Variants in FAT2 observed in about 807,000 individuals in gnomAD.
The protein encoded by FAT2 is FAT atypical cadherin 2, also known as protocadherin Fat 2.
In FAT2, 150 loss-of-function variants were observed where a neutral mutation model predicts 295.3. The observed-to-expected ratio is 0.51, with a 90% CI of 0.44 to 0.58. The LOEUF is 0.58. Ranked by LOEUF, FAT2 falls within the 20% of genes least tolerant of loss-of-function variation. The pLI, the probability that FAT2 is intolerant of heterozygous loss-of-function variation, is 0.00. For missense variants in FAT2, 4,868 were observed against 5,442.7 expected (o/e 0.89, Z 3.32); for synonymous variants, 2,026 against 2,150.3 (o/e 0.94, Z 1.60).
intron 15 of FAT2, among the ~76,000 whole-genome samples, chr5:151,528,837 G>A (rs989263578): frequency 1.3e-5 from 2 of 152,092 alleles, no homozygotes; most frequent in African/African-American, 2.4e-5. Flanking sequence ...CACGTCACCC[G>A]CTATGACCAG....
intron 1 of FAT2, among the ~76,000 whole-genome samples, chr5:151,590,431 G>T (rs530092265): frequency 6.6e-6 from 1 of 152,346 alleles, no homozygotes; most frequent in African/African-American, 2.4e-5. Context: ...TCTGCTCAGC[G>T]TTCCACTCTG....
Position 151,543,807 on chromosome 5 carries a change from G to A in FAT2, c.7320C>T (p.Asn2440=). Residue 2440 remains asparagine (N), a synonymous_variant, in exon 10 of 24, where the codon AAC becomes AAT. Coordinates refer to ENST00000261800, the MANE Select transcript of FAT2 (RefSeq NM_001447.3). The part of the protein sequence containing the change: ...NSSSGIISMF[N]LCKKHLDSSY... ...AAGAGTCCAGGTGCTTTTTGCAAAG[G>A]TTGAACATAGAAATTATTCCCGATG... 6.2e-7 allele frequency: 1 copy of A among 1,614,004 alleles called. No individual in the cohort carries two copies. The highest frequency in any genetic ancestry group is 8.5e-7 in the Non-Finnish European group (1 of 1,179,984).
In FAT2 at chr5:151,553,381, C is replaced by T. The variant is rs367951603; in HGVS notation, c.3952G>A (p.Ala1318Thr). The T allele has an allele frequency of 8.7e-6, 14 of 1,613,968 alleles. No homozygotes were observed. Among genetic ancestry groups the T allele is most frequent in the Non-Finnish European group, 1.2e-5 (14 of 1,179,998 alleles). The change falls in exon 6 of 24, where the codon GCA (alanine) becomes ACA (threonine). Residue 1318 changes from alanine (A) to threonine (T), a missense_variant. Transcript: ENST00000261800. ...AGEYNILTIKATDSGQPPLSA... is the reference protein window; with the variant it reads ...AGEYNILTIKTTDSGQPPLSA... ...AGTGGTGGCTGCCCACTGTCTGTTGCCTTGATCTGAAAGGAGGCCAACACC... is the reference window on the plus strand; with the variant it reads ...AGTGGTGGCTGCCCACTGTCTGTTGTCTTGATCTGAAAGGAGGCCAACACC...
chr5:151,547,859 C>T (rs545521685), intron 9 of FAT2, among the ~76,000 whole-genome samples: 1 of 152,190 alleles, frequency 6.6e-6, no homozygotes, highest in East Asian at 1.9e-4. Flanking sequence ...GAAAATCATT[C>T]TTTTGGGGTG....
chr5:151,523,260 C>A (rs980666139), intron 18 of FAT2, among the ~76,000 whole-genome samples: 39 of 151,888 alleles, frequency 2.6e-4, no homozygotes, highest in African/African-American at 9.2e-4. Context: ...TTAGTTACAA[C>A]AATACTACTA....
At chr5:151,573,228 G>A (rs138830918) in intron 1 of FAT2, among the ~76,000 whole-genome samples, 132 of 152,308 alleles carry the variant, frequency 8.7e-4, no homozygotes, top group African/African-American at 2.9e-3. Flanking sequence ...TCTGCAGGTC[G>A]TTTCAAGAAT....
intron 19 of FAT2, among the ~76,000 whole-genome samples, chr5:151,520,160 G>A (rs1753296679): frequency 6.6e-6 from 1 of 152,212 alleles, no homozygotes; most frequent in African/African-American, 2.4e-5. Flanking sequence ...ATGATATCCC[G>A]AATGCCAGGC....
rs1757502854 is a variant in FAT2, at chr5:151,554,376, A to T, written c.3931T>A (p.Tyr1311Asn). 6.2e-7 allele frequency: 1 copy of T among 1,613,746 alleles called. No individual in the cohort carries two copies. Among genetic ancestry groups the T allele is most frequent in the Non-Finnish European group, 8.5e-7 (1 of 1,179,860 alleles). The change falls in exon 5 of 24, where the codon TAC becomes AAC. Residue 1311 changes from tyrosine to asparagine, a missense_variant. Tyr to Asn is a moderately radical substitution (Grantham distance 143). Coordinates refer to ENST00000261800, the MANE Select transcript of FAT2 (RefSeq NM_001447.3). The stretch of plus-strand genomic sequence containing the variant: ...TGTCTGCTCACCGTTAGGATGTTGT[A>T]CTCTCCAGCTGTAAAAGTGCTGCTG... ...SSSSTFTAGE[Y>N]NILTIKATDS...
At chr5:151,536,180 C>T (rs540391176) in intron 12 of FAT2, among the ~76,000 whole-genome samples, 4 of 152,006 alleles carry the variant, frequency 2.6e-5, no homozygotes, top group African/African-American at 9.6e-5. Flanking sequence ...ACCTACATTG[C>T]TTCAATTTTA....
rs1176601257 is a variant in FAT2 at position 151,568,174 on chromosome 5, G to T, written c.758C>A (p.Pro253His). Residue 253 changes from proline to histidine, a missense_variant, in exon 2 of 24, where the codon CCC becomes CAC. Pro to His is a moderately conservative substitution (Grantham distance 77). Transcript: ENST00000261800. ...CACCACCACCGAAGCAATGGCTGGG[G>T]GCTTCCTGAGGGCAGGCTCCACATG... ...VVHVEPALRKPPAIASVVVTP... is the reference protein window; with the variant it reads ...VVHVEPALRKHPAIASVVVTP... The T allele has an allele frequency of 3.1e-6, 5 of 1,613,948 alleles. No individual in the cohort carries two copies. The highest frequency in any genetic ancestry group is 3.4e-6 in the Non-Finnish European group (4 of 1,180,000).
intron 8 of FAT2, 111 bp downstream of exon 8, chr5:151,550,479 C>T (rs1475213616): frequency 7.3e-6 from 9 of 1,232,064 alleles, no homozygotes; most frequent in South Asian, 1.4e-5. Flanking sequence ...AACTCTGTCT[C>T]GTGCATGGTC....
intron 15 of FAT2, 40 bp downstream of exon 15, chr5:151,529,138 G>A (rs1207701695): frequency 6.3e-7 from 1 of 1,578,194 alleles, no homozygotes; most frequent in East Asian, 2.2e-5. Flanking sequence ...ACCCATCCCA[G>A]AGTTCTTGTC....
Position 151,554,384 on chromosome 5 carries a change from G to A in FAT2, c.3923C>T (p.Ala1308Val), listed in dbSNP as rs566770758. 9.3e-6 allele frequency: 15 copies of A among 1,614,132 alleles called. No homozygotes were observed. The African/African-American group carries it at 1.7e-4, about 19-fold the overall frequency. The change falls in exon 5 of 24, where the codon GCT (alanine) becomes GTT (valine). Residue 1308 changes from alanine (A) to valine (V), a missense_variant. This residue lies in a region of FAT2 where 3,297 missense variants were observed against 3,669.4 expected (regional missense o/e 0.90). Coordinates refer to ENST00000261800, the MANE Select transcript of FAT2 (RefSeq NM_001447.3). ...CACCGTTAGGATGTTGTACTCTCCA[G>A]CTGTAAAAGTGCTGCTGGATGAAAC... ...GVVSSSSTFT[A>V]GEYNILTIKA...
rs567155316 is a variant in FAT2, at chr5:151,567,076, A to G, written c.1856T>C (p.Ile619Thr). Residue 619 changes from isoleucine to threonine, a missense_variant, in exon 2 of 24, where the codon ATA (isoleucine) becomes ACA (threonine). Around this residue, in one of 5 missense-constraint regions of FAT2, gnomAD observed 3,297 missense variants for 3,669.4 expected, o/e 0.90. Transcript: ENST00000261800. Reference sequence around the variant, plus strand: ...ATTGATAAAAGGGCGTTTGAGGGATATCACTCCGGAGAAATGATTTAGATC... The same window carrying G: ...ATTGATAAAAGGGCGTTTGAGGGATGTCACTCCGGAGAAATGATTTAGATC... ...YFDLNHFSGV[I>T]SLKRPFINLT... The G allele has an allele frequency of 1.3e-5, 21 of 1,614,138 alleles. No individual in the cohort carries two copies. In the African/African-American group the frequency reaches 2.7e-4, roughly 20 times the overall value.
chr5:151,532,539 C>G (rs1056000718), intron 13 of FAT2, among the ~76,000 whole-genome samples: 1 of 152,180 alleles, frequency 6.6e-6, no homozygotes, highest in Non-Finnish European at 1.5e-5. Flanking sequence ...GTAAGATGCT[C>G]CCATTAGGGA....
chr5:151,510,093 A>G lies in FAT2; in HGVS notation c.11987T>C (p.Leu3996Pro). The change falls in exon 22 of 24, where the codon CTG becomes CCG. Residue 3996 changes from leucine to proline, a missense_variant. Coordinates refer to ENST00000261800, the MANE Select transcript of FAT2 (RefSeq NM_001447.3). ...GRENCTFAPC[L>P]EGGTCILSPK... is the part of the protein sequence containing the mutation. ...GGAGAGGATGCAAGTTCCACCTTCC[A>G]GGCAGGGTGCAAAAGTACAGTTCTC... 1 of 1,614,218 alleles carries G rather than the reference A, an allele frequency of 6.2e-7. No homozygotes were observed. Among genetic ancestry groups the G allele is most frequent in the South Asian group, 1.1e-5 (1 of 91,088 alleles).
Position 151,505,370 on chromosome 5 carries a change from C to CTCTA in FAT2, c.*191_*194dup. ...TGGGACCCTAGTGCTGTTTCTGGAG[C>CTCTA]TCTATCCTCAGCTTCCCTCCACCCT... On this transcript the variant is annotated 3_prime_UTR_variant, in exon 24 of 24. Coordinates refer to ENST00000261800, the MANE Select transcript of FAT2 (RefSeq NM_001447.3). The CTCTA allele has an allele frequency of 1.5e-6, 1 of 657,926 alleles. No homozygotes were observed. Among genetic ancestry groups the CTCTA allele is most frequent in the Non-Finnish European group, 2.6e-6 (1 of 388,946 alleles). 40.8% of individuals were successfully genotyped at this position (657,926 alleles called of 1,614,324 possible).
rs2127591397 is a variant in FAT2, at chr5:151,531,733, T to C, written c.9665A>G (p.Glu3222Gly). 1 of 1,613,808 alleles carries C rather than the reference T, an allele frequency of 6.2e-7. No homozygotes were observed. The highest frequency in any genetic ancestry group is 8.5e-7 in the Non-Finnish European group (1 of 1,179,950). The stretch of plus-strand genomic sequence containing the variant: ...GTCCTCGGGCACCTGCACGCTGTGC[T>C]CGGTGTTCAGGAACACGGGCAGGTA... ...EDYLPVFLNT[E>G]HSVQVPEDAP... is the part of the protein sequence containing the mutation. Residue 3222 changes from glutamate (E) to glycine (G), a missense_variant, in exon 14 of 24, where the codon GAG becomes GGG. Coordinates refer to ENST00000261800, the MANE Select transcript of FAT2 (RefSeq NM_001447.3). The surrounding 1 kb of genome is among the most constrained non-coding windows in gnomAD (Gnocchi z 5.7).
chr5:151,520,956 C>T (rs765730210), intron 19 of FAT2, among the ~76,000 whole-genome samples: 3 of 152,208 alleles, frequency 2.0e-5, no homozygotes, highest in Non-Finnish European at 2.9e-5. Flanking sequence ...TTCCTAAAGT[C>T]GCCTGGTTAG....
Sources: allele counts gnomAD v4.1 joint callset (sites outside exome capture counted in the v4.1 genomes callset), GRCh38; gene constraint gnomAD v4.1.1; regional missense constraint gnomAD v4.1.1; non-coding constraint Gnocchi (gnomAD v3.1); transcripts MANE v1.5; gene names NCBI Gene and HGNC (gene_info 2026-07-23, HGNC 2026-07-21).